The following GALNT13 variants were observed in gnomAD, a reference collection of about 807,000 sequenced individuals.
GALNT13 encodes UDP-GalNAc:polypeptide N-acetylgalactosaminyltransferase 13.
GALNT13 carries 28 observed loss-of-function variants against 64.2 expected under a neutral mutation model. The observed-to-expected ratio is 0.44, with a 90% confidence interval of 0.32 to 0.60. The LOEUF (loss-of-function observed/expected upper bound fraction) is 0.60, where lower values mean the gene tolerates loss of function less well. Ranked by LOEUF, GALNT13 falls within the 20% of genes least tolerant of loss-of-function variation. GALNT13 has a pLI of 0.05. For synonymous variants in GALNT13, 214 were observed against 224.6 expected (o/e 0.95, Z 0.42); for missense variants, 577 against 669.8 (o/e 0.86, Z 1.53).
intron 12 of GALNT13, among the ~76,000 whole-genome samples, chr2:154,443,476 G>A (rs979299850): frequency 1.3e-5 from 2 of 151,760 alleles, no homozygotes; most frequent in Non-Finnish European, 2.9e-5. Flanking sequence ...TACTTATTTT[G>A]TATATGATTA....
the GALNT13 span, among the ~76,000 whole-genome samples, chr2:153,329,608 G>A: frequency 3.1e-3 from 474 of 152,062 alleles, 19 homozygotes; most frequent in East Asian, 0.083. Flanking sequence ...TCTTTTGACT[G>A]TTTTTAATTA....
chr2:153,795,489 G>C, the GALNT13 span, among the ~76,000 whole-genome samples: 1 of 151,744 alleles, frequency 6.6e-6, no homozygotes, highest in Admixed American at 6.6e-5. Flanking sequence ...CCCAAATCAA[G>C]TGATTTATTT....
chr2:154,228,535 G>C (rs950473217), intron 4 of GALNT13, among the ~76,000 whole-genome samples: 1 of 152,128 alleles, frequency 6.6e-6, no homozygotes, highest in African/African-American at 2.4e-5. Context: ...TGAAACACTA[G>C]AGGTTTGCTG....
chr2:154,327,566 C>A (rs2105182189), intron 9 of GALNT13, among the ~76,000 whole-genome samples: 1 of 152,152 alleles, frequency 6.6e-6, no homozygotes, highest in East Asian at 1.9e-4. Flanking sequence ...ATATGAAGTG[C>A]ACTTTTATTT....
the GALNT13 span, among the ~76,000 whole-genome samples, chr2:153,271,297 G>C: frequency 3.4e-4 from 52 of 152,256 alleles, no homozygotes; most frequent in Non-Finnish European, 6.8e-4. Context: ...AGGAAATAAA[G>C]GGTATTCAAA....
At chr2:153,301,308 T>G in the GALNT13 span, among the ~76,000 whole-genome samples, 1 of 14,270 alleles carries the variant, frequency 7.0e-5, no homozygotes, top group Non-Finnish European at 2.0e-4. Context: ...AGACTCCTTC[T>G]CAAAAAAAAA....
chr2:154,333,948 C>A (rs550296896), intron 9 of GALNT13, among the ~76,000 whole-genome samples: 1 of 152,062 alleles, frequency 6.6e-6, no homozygotes, highest in South Asian at 2.1e-4. Context: ...GTCAAACTGG[C>A]CTATTTCTAC....
At chr2:154,446,849 G>A in intron 12 of GALNT13, 1 of 1,340,512 alleles carries the variant, frequency 7.5e-7, no homozygotes, top group East Asian at 2.6e-5. Context: ...TTTAAAATGT[G>A]GTTAAGAAAA....
chr2:153,666,434 A>G, the GALNT13 span, among the ~76,000 whole-genome samples: 1 of 152,184 alleles, frequency 6.6e-6, no homozygotes, highest in Middle Eastern at 3.4e-3. Flanking sequence ...CCATTGCCCC[A>G]AGAAGTGCTT....
the GALNT13 span, among the ~76,000 whole-genome samples, chr2:153,195,702 G>A: frequency 1.3e-5 from 2 of 152,240 alleles, no homozygotes; most frequent in Non-Finnish European, 2.9e-5. Flanking sequence ...CAAGGGACAT[G>A]TCTCAGCCCT....
chr2:153,259,123 A>G, the GALNT13 span, among the ~76,000 whole-genome samples: 111 of 152,304 alleles, frequency 7.3e-4, no homozygotes, highest in African/African-American at 2.5e-3. Flanking sequence ...GGGAGTATGT[A>G]TATTTAAAAT....
chr2:153,250,913 A>T, the GALNT13 span, among the ~76,000 whole-genome samples: 3 of 152,060 alleles, frequency 2.0e-5, no homozygotes, highest in African/African-American at 7.2e-5. Context: ...GAATAGGACA[A>T]ATACCTAATG....
the GALNT13 span, among the ~76,000 whole-genome samples, chr2:153,180,746 A>G: frequency 6.6e-6 from 1 of 151,676 alleles, no homozygotes; most frequent in African/African-American, 2.4e-5. Flanking sequence ...TTTCTTCAAA[A>G]TCTACCAAGA....
At chr2:153,757,369 A>C in the GALNT13 span, among the ~76,000 whole-genome samples, 1 of 152,192 alleles carries the variant, frequency 6.6e-6, no homozygotes, top group Non-Finnish European at 1.5e-5. Flanking sequence ...TAAAGGCTGA[A>C]TAGAATTTCA....
chr2:153,297,958 A>G, the GALNT13 span, among the ~76,000 whole-genome samples: 1 of 152,200 alleles, frequency 6.6e-6, no homozygotes, highest in Non-Finnish European at 1.5e-5. Context: ...AATAGAATAC[A>G]CACCTGGGCA....
At chr2:154,228,045 C>T (rs77455963) in intron 4 of GALNT13, among the ~76,000 whole-genome samples, 1 of 150,540 alleles carries the variant, frequency 6.6e-6, no homozygotes, top group Admixed American at 6.6e-5. Flanking sequence ...TGTTCTCAAA[C>T]AGTTTGCTGG....
In GALNT13 at chr2:154,450,350, T is replaced by TTAAA. The variant is rs1307655249; in HGVS notation, c.1531-61_1531-60insTAAA. On this transcript the variant is annotated intron_variant, in intron 12 of 12. Coordinates refer to ENST00000392825, the MANE Select transcript of GALNT13 (RefSeq NM_052917.4). Reference sequence around the variant, plus strand: ...GATTTTTTAAAGAACAGATTTTATCTGATGTGCTAGCAAAGCTAAAGACGA... The same window carrying TTAAA: ...GATTTTTTAAAGAACAGATTTTATCTTAAAGATGTGCTAGCAAAGCTAAAGACGA... 1.5e-4 allele frequency: 220 copies of TTAAA among 1,438,762 alleles called. 3 individuals are homozygous for TTAAA. Among genetic ancestry groups the TTAAA allele is most frequent in the Admixed American group, 4.2e-5 (2 of 47,602 alleles). 89.1% of individuals were successfully genotyped at this position (1,438,762 alleles called of 1,614,324 possible). A position where few individuals can be genotyped will look rare whatever the true frequency, so the allele number is the denominator to read the frequency against.
the GALNT13 span, among the ~76,000 whole-genome samples, chr2:153,416,540 T>C: frequency 6.6e-6 from 1 of 152,252 alleles, no homozygotes; most frequent in Non-Finnish European, 1.5e-5. Context: ...CTGTTTTGTA[T>C]GTTAAAGGCA....
At chr2:153,777,644 G>A in the GALNT13 span, among the ~76,000 whole-genome samples, 2 of 152,114 alleles carry the variant, frequency 1.3e-5, no homozygotes, top group Non-Finnish European at 1.5e-5. Flanking sequence ...TGTACCCCTC[G>A]CAGGGTGTGC....
Sources: gnomAD v4.1 joint callset for allele counts (sites outside exome capture counted in the v4.1 genomes callset) on GRCh38, gnomAD v4.1.1 for gene constraint, MANE v1.5 for transcripts, NCBI Gene and HGNC (gene_info 2026-07-23, HGNC 2026-07-21) for gene names.